GRIP1: variants seen among roughly 807,000 people sequenced by gnomAD.
The protein encoded by GRIP1 is glutamate receptor-interacting protein 1.
A neutral mutation model predicts 129.9 loss-of-function variants in GRIP1; 45 were observed. The ratio of observed to expected loss-of-function variants is 0.35; its 90% CI spans 0.27 to 0.44. GRIP1 has a LOEUF of 0.44. GRIP1 is among the 20% of genes least tolerant of loss of function. The pLI is 1.00. For synonymous variants in GRIP1, 530 were observed against 520.8 expected (o/e 1.02, Z -0.24); for missense variants, 1,196 against 1,396.8 (o/e 0.86, Z 2.29).
chr12:66,640,011 T>C (rs35245246), intron 1 of GRIP1, among the ~76,000 whole-genome samples: 8,842 of 152,252 alleles, frequency 0.058, 352 homozygotes, highest in Non-Finnish European at 0.078. Context: ...TAGAATGTCC[T>C]TCACTCCTTT....
upstream of GRIP1, chr12:66,804,211 C>G (rs2038937739): frequency 2.2e-6 from 1 of 446,114 alleles, no homozygotes; most frequent in Admixed American, 2.4e-5. Context: ...CAGCGCGGCA[C>G]AGCTAGCACA....
chr12:66,361,620 T>G (rs754762911), intron 23 of GRIP1, among the ~76,000 whole-genome samples: 4 of 152,194 alleles, frequency 2.6e-5, no homozygotes, highest in Non-Finnish European at 4.4e-5. Flanking sequence ...GCTCCATTGC[T>G]GGTCTTTTGC....
At chr12:66,585,374 T>TA (rs1197391068) in intron 2 of GRIP1, among the ~76,000 whole-genome samples, 1 of 135,668 alleles carries the variant, frequency 7.4e-6, no homozygotes, top group African/African-American at 2.7e-5. Context: ...GTTCTTGCGA[T>TA]AGTTTACTGA....
At chr12:66,523,057 T>C (rs1224786603) in intron 5 of GRIP1, among the ~76,000 whole-genome samples, 1 of 151,968 alleles carries the variant, frequency 6.6e-6, no homozygotes, top group African/African-American at 2.4e-5. Flanking sequence ...GTCTGACTGG[T>C]GTACCTGAAA....
intron 1 of GRIP1, among the ~76,000 whole-genome samples, chr12:66,941,679 C>G (rs1197315548): frequency 6.6e-6 from 1 of 152,160 alleles, no homozygotes; most frequent in Non-Finnish European, 1.5e-5. Context: ...TACATCTTCC[C>G]ACCTTTTCAT....
chr12:66,849,644 T>C (rs1470208259), intron 1 of GRIP1, among the ~76,000 whole-genome samples: 2 of 152,148 alleles, frequency 1.3e-5, no homozygotes, highest in Non-Finnish European at 2.9e-5. Context: ...AATCCTTTTA[T>C]TTACCTTCCT....
At chr12:66,411,234 C>T (rs1001791400) in intron 15 of GRIP1, among the ~76,000 whole-genome samples, 4 of 152,118 alleles carry the variant, frequency 2.6e-5, no homozygotes, top group Non-Finnish European at 5.9e-5. Flanking sequence ...GTCTCCAGAT[C>T]GGCATCAGGT....
At chr12:66,965,989 T>C (rs571491249) in intron 1 of GRIP1, among the ~76,000 whole-genome samples, 5 of 152,312 alleles carry the variant, frequency 3.3e-5, no homozygotes, top group African/African-American at 1.2e-4. Context: ...GAGATGGTTC[T>C]TCTTTACTTT....
At chr12:66,812,455 G>A (rs2039122073) in intron 1 of GRIP1, among the ~76,000 whole-genome samples, 1 of 152,088 alleles carries the variant, frequency 6.6e-6, no homozygotes, top group Non-Finnish European at 1.5e-5. Flanking sequence ...TTTTATTATT[G>A]AGCATTTATC....
chr12:66,617,169 T>C (rs2065078876), intron 1 of GRIP1, among the ~76,000 whole-genome samples: 1 of 149,374 alleles, frequency 6.7e-6, no homozygotes, highest in Non-Finnish European at 1.5e-5. Context: ...GTTATAACTG[T>C]AGGTCCCTTT....
intron 1 of GRIP1, among the ~76,000 whole-genome samples, chr12:67,061,518 C>T (rs188485891): frequency 1.2e-4 from 19 of 152,286 alleles, no homozygotes; most frequent in Admixed American, 1.2e-3. Flanking sequence ...AAACTTTATT[C>T]ACAGAGTACT....
chr12:66,740,377 G>A (rs954796239), intron 1 of GRIP1, among the ~76,000 whole-genome samples: 2 of 152,256 alleles, frequency 1.3e-5, no homozygotes, highest in East Asian at 1.9e-4. Flanking sequence ...ACAAATGTCA[G>A]CATCAGCATC....
At chr12:66,535,527 T>C (rs1323396179) in intron 4 of GRIP1, among the ~76,000 whole-genome samples, 1 of 152,208 alleles carries the variant, frequency 6.6e-6, no homozygotes, top group Admixed American at 6.5e-5. Flanking sequence ...TTTTATAGAT[T>C]AGAAACTGAA....
chr12:66,869,161 T>C lies in GRIP1; in HGVS notation c.58+199889A>G, dbSNP rs150825015. On this transcript the variant is annotated intron_variant, in intron 1 of 1. Coordinates refer to the GRIP1 transcript ENST00000643019. ...TTAGCAAGGGCTATTTCTATTCATCTAGTATTCCCTGACAGCCTGGCACAC... is the reference window on the plus strand; with the variant it reads ...TTAGCAAGGGCTATTTCTATTCATCCAGTATTCCCTGACAGCCTGGCACAC... Among the ~76,000 whole-genome samples, 6 of 152,072 alleles carry C rather than the reference T, an allele frequency of 3.9e-5. No individual in the cohort carries two copies. In the East Asian group the frequency reaches 1.2e-3, roughly 30 times the overall value.
chr12:66,487,046 C>T (rs1216291915), intron 7 of GRIP1, among the ~76,000 whole-genome samples: 1 of 152,160 alleles, frequency 6.6e-6, no homozygotes, highest in African/African-American at 2.4e-5. Flanking sequence ...CCAACTCAGC[C>T]TCCCAAAGTG....
At chr12:67,016,102 T>C (rs2042781893) in intron 1 of GRIP1, among the ~76,000 whole-genome samples, 1 of 152,234 alleles carries the variant, frequency 6.6e-6, no homozygotes, top group Non-Finnish European at 1.5e-5. Context: ...GTTTTAGCTG[T>C]CTATATATTT....
At chr12:66,435,543 T>A (rs1377884172) in intron 13 of GRIP1, among the ~76,000 whole-genome samples, 1 of 152,050 alleles carries the variant, frequency 6.6e-6, no homozygotes, top group Non-Finnish European at 1.5e-5. Context: ...CAGTTCTCTG[T>A]GAAAGGGGAG....
intron 1 of GRIP1, among the ~76,000 whole-genome samples, chr12:66,748,979 A>G (rs1198098161): frequency 6.6e-6 from 1 of 152,134 alleles, no homozygotes; most frequent in African/African-American, 2.4e-5. Flanking sequence ...ACAGATCACT[A>G]CCTAGGCAGG....
chr12:67,039,917 C>A (rs2043151097), intron 1 of GRIP1, among the ~76,000 whole-genome samples: 2 of 152,108 alleles, frequency 1.3e-5, no homozygotes, highest in South Asian at 4.2e-4. Flanking sequence ...TCCGTTGTGG[C>A]ATATTTTAGG....
Sources: allele counts gnomAD v4.1 joint callset (sites outside exome capture counted in the v4.1 genomes callset), GRCh38; gene constraint gnomAD v4.1.1; transcripts MANE v1.5; gene names NCBI Gene and HGNC (gene_info 2026-07-23, HGNC 2026-07-21).